Variants in ROBO2 observed in about 807,000 individuals in gnomAD.
ROBO2 encodes roundabout homolog 2.
Under a neutral mutation model 160.8 loss-of-function variants are expected in ROBO2, and 53 were observed. The ratio of observed to expected loss-of-function variants is 0.33; its 90% CI spans 0.26 to 0.41. The LOEUF is 0.41. Among genes scored for constraint, ROBO2 ranks in the 10% least tolerant of loss-of-function variants. The pLI, the probability that ROBO2 is intolerant of heterozygous loss-of-function variation, is 1.00. For synonymous variants in ROBO2, 664 were observed against 611.7 expected (o/e 1.09, Z -1.26); for missense variants, 1,577 against 1,722.4 (o/e 0.92, Z 1.49).
intron 2 of ROBO2, among the ~76,000 whole-genome samples, chr3:76,441,126 T>A (rs1030202976): frequency 3.9e-5 from 6 of 152,110 alleles, no homozygotes; most frequent in African/African-American, 1.4e-4. Context: ...TCAACCAAGA[T>A]CCCCTTGTCC....
At chr3:76,650,284 C>T (rs1301582651) in intron 2 of ROBO2, among the ~76,000 whole-genome samples, 1 of 152,100 alleles carries the variant, frequency 6.6e-6, no homozygotes, top group Non-Finnish European at 1.5e-5. Flanking sequence ...TGTACCTCAC[C>T]TTGTTTAAAG....
intron 2 of ROBO2, among the ~76,000 whole-genome samples, chr3:77,419,416 G>C (rs1004277921): frequency 6.6e-6 from 1 of 152,050 alleles, no homozygotes; most frequent in Non-Finnish European, 1.5e-5. Context: ...ATAAACATTT[G>C]CTTGTGATAA....
chr3:76,883,155 A>G (rs1488558922), intron 2 of ROBO2, among the ~76,000 whole-genome samples: 1 of 152,192 alleles, frequency 6.6e-6, no homozygotes, highest in East Asian at 1.9e-4. Flanking sequence ...ACTAAAAAAT[A>G]CCCATATGTA....
Position 76,328,742 on chromosome 3 carries a change from T to C in ROBO2, c.109+391140T>C, listed in dbSNP as rs980376790. ...GGGCGTGGTGGCGGCGCCTGTAGTC[T>C]CAGCTACTCGGGAGGCTGAAGCAGG... On this transcript the variant is annotated intron_variant, in intron 2 of 26. Coordinates refer to the ROBO2 transcript ENST00000487694. Among the ~76,000 whole-genome samples, 14 of 151,792 alleles carry C rather than the reference T, an allele frequency of 9.2e-5. No homozygotes were observed. In the South Asian group the frequency reaches 1.3e-3, roughly 14 times the overall value.
chr3:76,127,972 T>G (rs2071063470), intron 2 of ROBO2, among the ~76,000 whole-genome samples: 1 of 142,554 alleles, frequency 7.0e-6, no homozygotes, highest in South Asian at 2.3e-4. Context: ...CTCTGCTCAC[T>G]GCAAGCTCCA....
At chr3:76,722,219 C>T (rs2093476652) in intron 2 of ROBO2, among the ~76,000 whole-genome samples, 1 of 152,104 alleles carries the variant, frequency 6.6e-6, no homozygotes. Context: ...CTTTGTGTTT[C>T]ACGCCGTTCT....
Position 77,445,617 on chromosome 3 carries a change from A to G in ROBO2, c.389-31797A>G, listed in dbSNP as rs549756110. 2.0e-4 allele frequency among the ~76,000 whole-genome samples: 30 copies of G among 152,176 alleles called. No individual in the cohort carries two copies. In the South Asian group the frequency reaches 6.0e-3, roughly 30 times the overall value. ...GGTTAGAGATTTCAAGGTTTTCCACAAAGTAAAGAAAATAAGTGAACAATT... is the reference window on the plus strand; with the variant it reads ...GGTTAGAGATTTCAAGGTTTTCCACGAAGTAAAGAAAATAAGTGAACAATT... On this transcript the variant is annotated intron_variant, in intron 2 of 25. Transcript: ENST00000461745.
intron 1 of ROBO2, among the ~76,000 whole-genome samples, chr3:77,048,567 G>A (rs997168028): frequency 6.6e-5 from 10 of 152,250 alleles, no homozygotes; most frequent in South Asian, 2.1e-4. Context: ...TTGATATAAC[G>A]TACTGTGGAG....
intron 2 of ROBO2, among the ~76,000 whole-genome samples, chr3:76,787,886 C>G (rs1200716184): frequency 6.6e-6 from 1 of 151,400 alleles, no homozygotes; most frequent in Non-Finnish European, 1.5e-5. Flanking sequence ...ATTGCTTTTA[C>G]AACAACCCAT....
At chr3:76,365,098 A>G (rs569078172) in intron 2 of ROBO2, among the ~76,000 whole-genome samples, 9 of 152,144 alleles carry the variant, frequency 5.9e-5, no homozygotes, top group African/African-American at 2.2e-4. Context: ...ATTTTTTCAG[A>G]GTTGAAGCAA....
chr3:76,567,620 G>GATATATATATATATATATATATAT (rs1201854439), intron 2 of ROBO2, among the ~76,000 whole-genome samples: 8 of 33,266 alleles, frequency 2.4e-4, no homozygotes, highest in Non-Finnish European at 4.8e-4. Context: ...CCAAACTACT[G>GATATATATATATATATATATATAT]ATATATATAT....
At chr3:77,636,390 A>G (rs1214235944) in intron 24 of ROBO2, among the ~76,000 whole-genome samples, 1 of 151,960 alleles carries the variant, frequency 6.6e-6, no homozygotes, top group Non-Finnish European at 1.5e-5. Context: ...TCAGAAGATC[A>G]AAACCATCCT....
chr3:75,959,608 A>T (rs1202249830), intron 2 of ROBO2, among the ~76,000 whole-genome samples: 2 of 151,762 alleles, frequency 1.3e-5, no homozygotes, highest in African/African-American at 4.8e-5. Context: ...TTCTAAAACT[A>T]AGTTTAATTT....
chr3:76,635,855 ACTT>A (rs2090302256), intron 2 of ROBO2, among the ~76,000 whole-genome samples: 1 of 152,118 alleles, frequency 6.6e-6, no homozygotes, highest in Non-Finnish European at 1.5e-5. Context: ...GGCTTAGAAA[ACTT>A]CTTCAGAACT....
At chr3:77,309,502 C>T (rs919934165) in intron 2 of ROBO2, among the ~76,000 whole-genome samples, 6 of 152,236 alleles carry the variant, frequency 3.9e-5, no homozygotes, top group Non-Finnish European at 2.9e-5. Context: ...CATTCAGATT[C>T]TCCTGGAAGA....
chr3:76,462,049 A>G (rs1174755324), intron 2 of ROBO2, among the ~76,000 whole-genome samples: 1 of 152,188 alleles, frequency 6.6e-6, no homozygotes, highest in Non-Finnish European at 1.5e-5. Flanking sequence ...ACTCCTGAGT[A>G]CACACATCAT....
chr3:76,917,866 T>C (rs1400682971), intron 2 of ROBO2, among the ~76,000 whole-genome samples: 1 of 152,070 alleles, frequency 6.6e-6, no homozygotes. Context: ...AGCCAGAGCA[T>C]GAGGAAAAGA....
intron 2 of ROBO2, among the ~76,000 whole-genome samples, chr3:76,101,383 A>T (rs1440458884): frequency 6.6e-6 from 1 of 152,116 alleles, no homozygotes; most frequent in African/African-American, 2.4e-5. Context: ...GGGGACGATC[A>T]CACTTTTAGA....
chr3:77,335,830 C>T (rs7614548), intron 2 of ROBO2, among the ~76,000 whole-genome samples: 5,575 of 152,180 alleles, frequency 0.037, 340 homozygotes, highest in African/African-American at 0.13. Flanking sequence ...GCTGACACTA[C>T]GATAGAAGAG....
Sources: gnomAD v4.1 joint callset for allele counts (sites outside exome capture counted in the v4.1 genomes callset) on GRCh38, gnomAD v4.1.1 for gene constraint, MANE v1.5 for transcripts, NCBI Gene and HGNC (gene_info 2026-07-23, HGNC 2026-07-21) for gene names.